Variants in XKR6 observed in about 807,000 individuals in gnomAD.
XKR6 encodes the protein XK-related protein 6.
A neutral mutation model predicts 56.7 loss-of-function variants in XKR6; 22 were observed. That is an observed-to-expected ratio of 0.39 (90% CI 0.28 to 0.55). The LOEUF is 0.55. Ranked by LOEUF, XKR6 falls within the 20% of genes least tolerant of loss-of-function variation. The pLI is 0.66. For synonymous variants in XKR6, 524 were observed against 387.8 expected (o/e 1.35, Z -4.13); for missense variants, 852 against 889.0 (o/e 0.96, Z 0.53).
intron 1 of XKR6, among the ~76,000 whole-genome samples, chr8:11,019,964 T>C (rs1253757754): frequency 2.6e-5 from 4 of 152,084 alleles, no homozygotes; most frequent in Non-Finnish European, 5.9e-5. Context: ...CCGCCACTGA[T>C]AATCCACTGG....
intron 1 of XKR6, among the ~76,000 whole-genome samples, chr8:11,147,825 C>A (rs367819477): frequency 4.4e-4 from 67 of 152,296 alleles, no homozygotes; most frequent in East Asian, 3.3e-3. Context: ...ACAGGCTGAA[C>A]TGACCCCTCC....
At chr8:11,114,154 C>G (rs1799045030) in intron 1 of XKR6, 1 of 394,270 alleles carries the variant, frequency 2.5e-6, no homozygotes, top group East Asian at 7.9e-5. Context: ...TAACATGACA[C>G]TAAAATATAA....
At chr8:11,164,602 G>A (rs1801978883) in intron 1 of XKR6, among the ~76,000 whole-genome samples, 3 of 152,154 alleles carry the variant, frequency 2.0e-5, no homozygotes, top group African/African-American at 7.2e-5. Context: ...TAAGGTATGT[G>A]GCCAAAACAC....
chr8:10,962,238 A>G (rs761401730), intron 1 of XKR6, among the ~76,000 whole-genome samples: 5 of 152,218 alleles, frequency 3.3e-5, no homozygotes, highest in East Asian at 3.9e-4. Context: ...ACCCCAAAAC[A>G]TAATATTATC....
chr8:10,931,541 C>A (rs1333768739), intron 1 of XKR6, among the ~76,000 whole-genome samples: 1 of 152,134 alleles, frequency 6.6e-6, no homozygotes, highest in African/African-American at 2.4e-5. Flanking sequence ...CACAGTGTAG[C>A]ATTGGCCAAG....
intron 1 of XKR6, among the ~76,000 whole-genome samples, chr8:11,119,072 T>C (rs941683482): frequency 2.0e-5 from 3 of 152,048 alleles, no homozygotes; most frequent in Admixed American, 6.6e-5. Flanking sequence ...ATGTACCCAG[T>C]AGTCATTCAG....
chr8:10,916,043 A>T (rs1800554830), intron 2 of XKR6, among the ~76,000 whole-genome samples: 2 of 152,224 alleles, frequency 1.3e-5, no homozygotes, highest in Non-Finnish European at 2.9e-5. Flanking sequence ...GAAAGCCCAG[A>T]GTGTTCCTTG....
At chr8:11,075,258 G>A (rs970292713) in intron 1 of XKR6, among the ~76,000 whole-genome samples, 21 of 152,166 alleles carry the variant, frequency 1.4e-4, no homozygotes, top group African/African-American at 4.6e-4. Flanking sequence ...GTCTTACTCC[G>A]GAAGTAAGCA....
At chr8:10,978,503 T>C (rs1384908492) in intron 1 of XKR6, among the ~76,000 whole-genome samples, 1 of 152,192 alleles carries the variant, frequency 6.6e-6, no homozygotes, top group Non-Finnish European at 1.5e-5. Context: ...GCTGATTTGA[T>C]GGGAAACAGG....
At chr8:10,984,224 T>C (rs73539325) in intron 1 of XKR6, among the ~76,000 whole-genome samples, 3,813 of 152,274 alleles carry the variant, frequency 0.025, 163 homozygotes, top group African/African-American at 0.087. Context: ...ACCGTCTCCA[T>C]AGCTACTGAA....
chr8:10,974,245 C>G (rs1392809223), intron 1 of XKR6, among the ~76,000 whole-genome samples: 1 of 152,194 alleles, frequency 6.6e-6, no homozygotes, highest in African/African-American at 2.4e-5. Flanking sequence ...CTGGGCATTT[C>G]TGGCTTTAGT....
intron 1 of XKR6, among the ~76,000 whole-genome samples, chr8:11,126,612 C>A (rs1799811830): frequency 6.6e-6 from 1 of 152,160 alleles, no homozygotes; most frequent in South Asian, 2.1e-4. Flanking sequence ...CACAAGAGGC[C>A]TTCTAGAATT....
chr8:10,915,507 CTT>C lies in XKR6; in HGVS notation c.961+9125_961+9126del, dbSNP rs5889350. Among the ~76,000 whole-genome samples, 17 of 149,984 alleles carry C rather than the reference CTT, an allele frequency of 1.1e-4. No homozygotes were observed. In the South Asian group the frequency reaches 2.7e-3, roughly 24 times the overall value. Reference sequence around the variant, plus strand: ...CATTGAGTTTGCCTTTCTCCTGTTTCTTTTTTTTTTTCTGCTGCTTTAAGAAC... The same window carrying C: ...CATTGAGTTTGCCTTTCTCCTGTTTCTTTTTTTTTCTGCTGCTTTAAGAAC... On this transcript the variant is annotated intron_variant, in intron 2 of 2. Coordinates refer to ENST00000416569, the MANE Select transcript of XKR6 (RefSeq NM_173683.4).
In XKR6 at chr8:10,898,689, T is replaced by C; in HGVS notation, c.1189A>G (p.Met397Val). The change falls in exon 3 of 3, where the codon ATG becomes GTG. Residue 397 changes from methionine to valine, a missense_variant. Physicochemically the swap from Met to Val is conservative, Grantham distance 21. This residue lies in a region of XKR6 where 199 missense variants were observed against 280.4 expected (regional missense o/e 0.71). Transcript: ENST00000416569. This position sits in a 1 kb window ranked among gnomAD's most constrained non-coding sequence, Gnocchi z 6.6. ...GIFVVVHWCA[M>V]AFWIIHGGTD... The stretch of plus-strand genomic sequence containing the variant: ...CCGCCATGGATGATCCAGAAGGCCA[T>C]GGCGCACCAGTGAACCACCACGAAG... 1 of 1,614,092 alleles carries C rather than the reference T, an allele frequency of 6.2e-7. No homozygotes were observed. Among genetic ancestry groups the C allele is most frequent in the Non-Finnish European group, 8.5e-7 (1 of 1,180,020 alleles).
At chr8:11,115,402 TA>T (rs1347539381) in intron 1 of XKR6, among the ~76,000 whole-genome samples, 3 of 152,318 alleles carry the variant, frequency 2.0e-5, no homozygotes, top group Non-Finnish European at 2.9e-5. Flanking sequence ...AGCCATAATT[TA>T]AAATTCAGAA....
chr8:11,098,246 A>ACACACACGCATG (rs1798337866), intron 1 of XKR6, among the ~76,000 whole-genome samples: 2 of 152,068 alleles, frequency 1.3e-5, no homozygotes, highest in South Asian at 4.2e-4. Context: ...CGCACAACAC[A>ACACACACGCATG]CACACACGCA....
intron 1 of XKR6, among the ~76,000 whole-genome samples, chr8:10,978,789 C>A (rs10102366): frequency 0.013 from 2,055 of 152,320 alleles, 46 homozygotes; most frequent in African/African-American, 0.046. Context: ...CTCCTCCCCC[C>A]GTGCTGACGC....
intron 1 of XKR6, among the ~76,000 whole-genome samples, chr8:10,968,553 T>G (rs187165063): frequency 7.9e-5 from 12 of 152,316 alleles, no homozygotes; most frequent in Non-Finnish European, 8.8e-5. Flanking sequence ...CCTCCAGGCC[T>G]AGGGTGTTTG....
intron 1 of XKR6, among the ~76,000 whole-genome samples, chr8:11,111,137 A>C (rs1798871727): frequency 6.6e-6 from 1 of 150,858 alleles, no homozygotes; most frequent in African/African-American, 2.4e-5. Flanking sequence ...TACAGGCGTG[A>C]GCCACTGCGC....
Sources: allele counts gnomAD v4.1 joint callset (sites outside exome capture counted in the v4.1 genomes callset), GRCh38; gene constraint gnomAD v4.1.1; regional missense constraint gnomAD v4.1.1; non-coding constraint Gnocchi (gnomAD v3.1); transcripts MANE v1.5; gene names NCBI Gene and HGNC (gene_info 2026-07-23, HGNC 2026-07-21).